Variants in SPATA1 observed in about 807,000 individuals in gnomAD.
SPATA1 encodes the protein spermatogenesis associated 1.
In SPATA1, 57 loss-of-function variants were observed where a neutral mutation model predicts 59.6. The ratio of observed to expected loss-of-function variants is 0.96; its 90% CI spans 0.77 to 1.19. The LOEUF is 1.19. Among genes scored for constraint, SPATA1 ranks in the 50% most tolerant of loss-of-function variants. The pLI, the probability that SPATA1 is intolerant of heterozygous loss-of-function variation, is 0.00. For missense variants in SPATA1, 448 were observed against 480.7 expected (o/e 0.93, Z 0.64); for synonymous variants, 147 against 163.9 (o/e 0.90, Z 0.79).
At chr1:84,516,246 A>T in exon 2 of SPATA1, 3 of 918,474 alleles carry the variant, frequency 3.3e-6, no homozygotes, top group Non-Finnish European at 3.1e-6. Flanking sequence ...GTGGAATGCT[A>T]TCTTAAGCCA....
At chr1:84,515,088 AATT>A (rs1354402656) in intron 1 of SPATA1, among the ~76,000 whole-genome samples, 1 of 152,360 alleles carries the variant, frequency 6.6e-6, no homozygotes, top group East Asian at 1.9e-4. Flanking sequence ...CATATGCTAT[AATT>A]ATTATAGATT....
chr1:84,563,488 T>C (rs2102025041), intron 4 of SPATA1: 3 of 1,091,382 alleles, frequency 2.7e-6, no homozygotes, highest in South Asian at 2.9e-5. Context: ...ACCAAAAATA[T>C]ATAAATTATT....
At chr1:84,531,179 G>A (rs1162789536) in intron 6 of SPATA1, among the ~76,000 whole-genome samples, 1 of 151,756 alleles carries the variant, frequency 6.6e-6, no homozygotes, top group East Asian at 1.9e-4. Flanking sequence ...GCCTTGTTTT[G>A]TTTGAGACAG....
chr1:84,519,623 G>A (rs12137559), intron 2 of SPATA1, among the ~76,000 whole-genome samples: 27,381 of 151,874 alleles, frequency 0.18, 2,545 homozygotes, highest in South Asian at 0.31. Context: ...TGTTCAAAAT[G>A]CAACGTATAG....
chr1:84,551,042 T>C, intron 12 of SPATA1: 4 of 985,356 alleles, frequency 4.1e-6, no homozygotes, highest in South Asian at 9.4e-5. Context: ...GGACCTTTTG[T>C]ATAGCAGATG....
intron 2 of SPATA1, among the ~76,000 whole-genome samples, chr1:84,517,610 A>G (rs1271020376): frequency 6.6e-6 from 1 of 152,018 alleles, no homozygotes; most frequent in African/African-American, 2.4e-5. Flanking sequence ...TAAGTATCTG[A>G]GGCCAAATGC....
intron 1 of SPATA1, 130 bp from the exon 2 acceptor site, chr1:84,516,093 T>G: frequency 6.1e-6 from 2 of 325,654 alleles, no homozygotes; most frequent in Non-Finnish European, 1.1e-5. Context: ...CTCATTTTAT[T>G]ACACAGTCCT....
chr1:84,540,725 T>C (rs1485061908), intron 8 of SPATA1, among the ~76,000 whole-genome samples: 1 of 152,252 alleles, frequency 6.6e-6, no homozygotes, highest in Non-Finnish European at 1.5e-5. Context: ...TAGGAAAAGA[T>C]CCTGAGCACA....
chr1:84,518,339 T>A (rs1682879429), intron 2 of SPATA1, among the ~76,000 whole-genome samples: 1 of 152,074 alleles, frequency 6.6e-6, no homozygotes, highest in Admixed American at 6.5e-5. Flanking sequence ...GGAATTTTAA[T>A]TTTTTTAGAT....
At chr1:84,554,528 C>T (rs1244013229) in exon 13 of SPATA1, 1 of 155,808 alleles carries the variant, frequency 6.4e-6, no homozygotes, top group Non-Finnish European at 1.4e-5. Context: ...AAAGGGGAGA[C>T]ACTACATTGT....
intron 12 of SPATA1, 153 bp downstream of exon 12, chr1:84,550,683 A>C: frequency 8.3e-7 from 1 of 1,205,270 alleles, no homozygotes; most frequent in South Asian, 4.1e-5. Context: ...AGGTGAAAAA[A>C]AAAATGCAGG....
chr1:84,556,445 T>G (rs61699375), downstream of SPATA1, among the ~76,000 whole-genome samples: 13,625 of 152,028 alleles, frequency 0.09, 1,198 homozygotes, highest in African/African-American at 0.23. Flanking sequence ...GGGCACGGTG[T>G]CTCAGGCCTG....
At chr1:84,524,076 A>C (rs1683126915) in intron 4 of SPATA1, among the ~76,000 whole-genome samples, 1 of 151,598 alleles carries the variant, frequency 6.6e-6, no homozygotes, top group African/African-American at 2.4e-5. Context: ...TTATATATTC[A>C]AAAGAAAAGG....
intron 1 of SPATA1, among the ~76,000 whole-genome samples, chr1:84,509,078 T>C (rs996270236): frequency 6.6e-6 from 1 of 151,874 alleles, no homozygotes; most frequent in Non-Finnish European, 1.5e-5. Context: ...CTAAAACTTA[T>C]ACAGAACCAT....
chr1:84,516,492 T>C, intron 2 of SPATA1, 97 bp downstream of exon 2: 1 of 709,720 alleles, frequency 1.4e-6, no homozygotes, highest in African/African-American at 1.9e-5. Flanking sequence ...ATATAAAGTA[T>C]TAGATATTGA....
intron 8 of SPATA1, among the ~76,000 whole-genome samples, chr1:84,538,567 G>A (rs1457967050): frequency 2.0e-5 from 3 of 152,188 alleles, no homozygotes; most frequent in African/African-American, 7.2e-5. Flanking sequence ...TCTGCGACAT[G>A]TTGAGGTATC....
chr1:84,524,967 G>GTGTTTTGTTT (rs140288977), intron 4 of SPATA1, among the ~76,000 whole-genome samples: 1 of 151,780 alleles, frequency 6.6e-6, no homozygotes, highest in Non-Finnish European at 1.5e-5. Flanking sequence ...CTCAGTATTT[G>GTGTTTTGTTT]TGTTTTGTTT....
chr1:84,529,576 CTTTTTTTTT>C (rs761561650), intron 6 of SPATA1, among the ~76,000 whole-genome samples: 2 of 91,348 alleles, frequency 2.2e-5, no homozygotes, highest in Non-Finnish European at 4.0e-5. Flanking sequence ...GGTAATATGC[CTTTTTTTTT>C]TTTTTTTTTT....
At chr1:84,546,568 G>T (rs1490959882) in intron 10 of SPATA1, among the ~76,000 whole-genome samples, 2 of 151,886 alleles carry the variant, frequency 1.3e-5, no homozygotes, top group Non-Finnish European at 2.9e-5. Context: ...AAGAGATCAA[G>T]AGAGGCTTCC....
Sources: allele counts gnomAD v4.1 joint callset (sites outside exome capture counted in the v4.1 genomes callset), GRCh38; gene constraint gnomAD v4.1.1; transcripts MANE v1.5; gene names NCBI Gene and HGNC (gene_info 2026-07-23, HGNC 2026-07-21).